Variants in TYW5 observed in about 807,000 individuals in gnomAD.
TYW5 encodes the protein tRNA-yW synthesizing protein 5, also known as tRNA wybutosine-synthesizing protein 5.
TYW5 carries 36 observed loss-of-function variants against 44.4 expected under a neutral mutation model. The observed-to-expected ratio is 0.81, with a 90% CI of 0.62 to 1.07. The LOEUF is 1.07. TYW5 is among the 50% of genes least tolerant of loss of function. The pLI, the probability that TYW5 is intolerant of heterozygous loss-of-function variation, is 0.00. For synonymous variants in TYW5, 121 were observed against 128.1 expected (o/e 0.94, Z 0.37); for missense variants, 354 against 365.7 (o/e 0.97, Z 0.26).
intron 5 of TYW5, among the ~76,000 whole-genome samples, chr2:199,936,884 A>G (rs1381070708): frequency 6.6e-6 from 1 of 152,226 alleles, no homozygotes; most frequent in Non-Finnish European, 1.5e-5. Context: ...GATGCTAGGA[A>G]AATACAAGGT....
chr2:199,936,447 CA>C lies in TYW5; in HGVS notation c.531del (p.Val178TyrfsTer13), dbSNP rs1365377897. The C allele has an allele frequency of 1.2e-5, 20 of 1,613,348 alleles. No homozygotes were observed. Among genetic ancestry groups the C allele is most frequent in the Non-Finnish European group, 1.7e-5 (20 of 1,179,722 alleles). ...TGGGCATCTCGAGGACTGAAGAGTA[CA>C]ACACGCTTTTTTCCTGTCACTTGTA... ...LLIQVTGKKR[V>X]VLFSPRDAQY... On this transcript the variant is annotated frameshift_variant, in exon 6 of 8. Coordinates refer to ENST00000354611, the MANE Select transcript of TYW5 (RefSeq NM_001039693.3). LOFTEE classifies it high-confidence loss of function.
At position 199,938,980 on chromosome 2, in the gene TYW5, C is replaced by T; in HGVS notation, c.439G>A (p.Val147Ile). The T allele has an allele frequency of 6.2e-7, 1 of 1,613,444 alleles. No individual in the cohort carries two copies. Among genetic ancestry groups the T allele is most frequent in the Non-Finnish European group, 8.5e-7 (1 of 1,179,778 alleles). Reference sequence around the variant, plus strand: ...AATCCTGGTGAACTAATTCGAAAAACACTGGAAAAGAACTGTTCCTCTTTG... The same window carrying T: ...AATCCTGGTGAACTAATTCGAAAAATACTGGAAAAGAACTGTTCCTCTTTG... ...FFKEEQFFSS[V>I]FRISSPGLQL... is the part of the protein sequence containing the mutation. The change falls in exon 5 of 8, where the codon GTT (valine) becomes ATT (isoleucine). Residue 147 changes from valine (V) to isoleucine (I), a missense_variant. Physicochemically the swap from Val to Ile is conservative, Grantham distance 29 (BLOSUM62 3). Coordinates refer to ENST00000354611, the MANE Select transcript of TYW5 (RefSeq NM_001039693.3).
intron 1 of TYW5, among the ~76,000 whole-genome samples, chr2:199,953,138 A>G (rs955330585): frequency 3.0e-4 from 46 of 152,182 alleles, no homozygotes; most frequent in Non-Finnish European, 1.0e-4. Flanking sequence ...CCTGGCCAAC[A>G]TGGCGAAACT....
intron 1 of TYW5, among the ~76,000 whole-genome samples, chr2:199,955,114 C>T (rs898774465): frequency 6.6e-6 from 1 of 152,146 alleles, no homozygotes; most frequent in African/African-American, 2.4e-5. Context: ...CTGACAGATG[C>T]GGAGTAAAGA....
intron 1 of TYW5, among the ~76,000 whole-genome samples, chr2:199,951,807 G>A (rs2077547107): frequency 6.6e-6 from 1 of 152,110 alleles, no homozygotes; most frequent in Non-Finnish European, 1.5e-5. Flanking sequence ...ACAAAGTCAG[G>A]AGATCGAGAC....
intron 2 of TYW5, chr2:199,946,656 TTGAAG>T (rs2077506313): frequency 6.6e-6 from 1 of 152,166 alleles, no homozygotes; most frequent in Admixed American, 6.6e-5. Flanking sequence ...CAACCTCAAT[TTGAAG>T]TGATAATAAT....
Position 199,938,952 on chromosome 2 carries a change from T to C in TYW5, c.467A>G (p.Gln156Arg), listed in dbSNP as rs377353260. Residue 156 changes from glutamine to arginine, a missense_variant, in exon 5 of 8, where the codon CAA becomes CGA. By Grantham distance (43) the Gln-to-Arg change is conservative. Coordinates refer to ENST00000354611, the MANE Select transcript of TYW5 (RefSeq NM_001039693.3). ...GCATACATCATAATGAGTCCATAGT[T>C]GTAATCCTGGTGAACTAATTCGAAA... ...SVFRISSPGL[Q>R]LWTHYDVMDN... The C allele has an allele frequency of 2.4e-5, 39 of 1,611,710 alleles. No individual in the cohort carries two copies. The African/African-American group carries it at 4.7e-4, about 19-fold the overall frequency.
At position 199,929,554 on chromosome 2, in the gene TYW5, ATTTTT is replaced by A. The variant is rs33943305; in HGVS notation, c.*3508_*3512del. Among the ~76,000 whole-genome samples the A allele has an allele frequency of 9.3e-6, 1 of 107,542 alleles. No homozygotes were observed. The highest frequency in any genetic ancestry group is 3.4e-5 in the African/African-American group (1 of 29,498). The allele number at this position is 107,542 out of a possible 152,430, so 70.6% of individuals were successfully genotyped here. A position where few individuals can be genotyped will look rare whatever the true frequency, so the allele number is the denominator to read the frequency against. The stretch of plus-strand genomic sequence containing the variant: ...CCAGGCCTGCCTTCCAGCTTCCTGC[ATTTTT>A]TTTTTTTTTTTTTTGTCAACTCCTT... On this transcript the variant is annotated 3_prime_UTR_variant, in exon 8 of 8. Coordinates refer to ENST00000354611, the MANE Select transcript of TYW5 (RefSeq NM_001039693.3).
intron 5 of TYW5, 84 bp downstream of exon 5, chr2:199,938,849 C>T: frequency 2.2e-6 from 3 of 1,393,246 alleles, no homozygotes; most frequent in Non-Finnish European, 2.9e-6. Context: ...TTAGGGTAAC[C>T]TATAGGAAGT....
chr2:199,934,724 C>A (rs896264559), intron 7 of TYW5, among the ~76,000 whole-genome samples: 13 of 151,948 alleles, frequency 8.6e-5, no homozygotes, highest in African/African-American at 2.9e-4. Flanking sequence ...TATGGAACTA[C>A]AACTATAAAT....
chr2:199,944,989 T>C (rs963044228), intron 2 of TYW5: 3 of 152,158 alleles, frequency 2.0e-5, no homozygotes, highest in African/African-American at 7.2e-5. Flanking sequence ...AATAACCTGA[T>C]AGATGAATTA....
rs2077361319 is a variant in TYW5, at chr2:199,929,915, C to T, written c.*3152G>A. On this transcript the variant is annotated 3_prime_UTR_variant, in exon 8 of 8. Coordinates refer to ENST00000354611, the MANE Select transcript of TYW5 (RefSeq NM_001039693.3). ...TCAAGCACTCCTCCTGCCTCAGCCT[C>T]CCAAGATGCTGGGACTACAGGTGTG... is the stretch of plus-strand genomic sequence containing the variant. 6.6e-6 allele frequency: 1 copy of T among 151,746 alleles called. No individual in the cohort carries two copies. The allele number at this position is 151,746 out of a possible 1,614,324, so 9.4% of individuals were successfully genotyped here.
chr2:199,939,973 GA>G (rs1161305640), intron 4 of TYW5, 115 bp downstream of exon 4: 7 of 987,610 alleles, frequency 7.1e-6, no homozygotes, highest in Non-Finnish European at 9.4e-6. Context: ...GAGAAGAATG[GA>G]AAAGGATAGA....
intron 2 of TYW5, 58 bp downstream of exon 2, chr2:199,948,260 T>C (rs2077517771): frequency 1.9e-6 from 3 of 1,578,422 alleles, no homozygotes; most frequent in Non-Finnish European, 1.7e-6. Flanking sequence ...TGCAAAAATA[T>C]TTTAAAAGTT....
intron 1 of TYW5, among the ~76,000 whole-genome samples, chr2:199,951,573 T>C (rs1475561663): frequency 6.6e-6 from 1 of 152,194 alleles, no homozygotes; most frequent in Non-Finnish European, 1.5e-5. Context: ...ACACATCCCC[T>C]ATGCATAACT....
At chr2:199,941,604 T>C (rs2105700307) in intron 3 of TYW5, among the ~76,000 whole-genome samples, 1 of 152,370 alleles carries the variant, frequency 6.6e-6, no homozygotes, top group Non-Finnish European at 1.5e-5. Context: ...ACATAGATTC[T>C]ATAAATTACT....
At position 199,933,328 on chromosome 2, in the gene TYW5, AG is replaced by A; in HGVS notation, c.692-6del. 1.3e-6 allele frequency: 2 copies of A among 1,580,614 alleles called. No homozygotes were observed. Among genetic ancestry groups the A allele is most frequent in the Non-Finnish European group, 1.7e-6 (2 of 1,167,960 alleles). On this transcript the variant is annotated splice_polypyrimidine_tract_variant and splice_region_variant and intron_variant, in intron 7 of 7. Transcript: ENST00000354611. ...TTACATTATGGAACCATAAAGCTGG[AG>A]AAAGTTTAAAAAACAAGTTAAAAAT...
chr2:199,955,261 C>T, intron 1 of TYW5, 132 bp downstream of exon 1: 2 of 1,026,632 alleles, frequency 1.9e-6, no homozygotes, highest in Non-Finnish European at 2.8e-6. Context: ...TAAGGGCCAA[C>T]CAGTGATCTG....
intron 1 of TYW5, among the ~76,000 whole-genome samples, chr2:199,951,897 G>A (rs2077547963): frequency 6.6e-6 from 1 of 151,876 alleles, no homozygotes; most frequent in Non-Finnish European, 1.5e-5. Flanking sequence ...GGCACCTGTA[G>A]TCCCAGCTAC....
Sources: gnomAD v4.1 joint callset for allele counts (sites outside exome capture counted in the v4.1 genomes callset) on GRCh38, gnomAD v4.1.1 for gene constraint, MANE v1.5 for transcripts, NCBI Gene and HGNC (gene_info 2026-07-23, HGNC 2026-07-21) for gene names.